The following CDH4 variants were observed in gnomAD, a reference collection of about 807,000 sequenced individuals.
CDH4 encodes cadherin-4.
CDH4 carries 33 observed loss-of-function variants against 86.0 expected under a neutral mutation model. That is an observed-to-expected ratio of 0.38 (90% confidence interval 0.29 to 0.51). CDH4 has a LOEUF of 0.51. Ranked by LOEUF, CDH4 falls within the 20% of genes least tolerant of loss-of-function variation. The probability of loss-of-function intolerance (pLI) is 0.86; values close to 1 mark genes in which losing one functional copy is unlikely to be tolerated. For missense variants in CDH4, 1,114 were observed against 1,307.4 expected, an observed-to-expected ratio of 0.85 and a Z score of 2.28; for synonymous variants, 555 against 549.4, an observed-to-expected ratio of 1.01 and a Z score of -0.14.
chr20:61,772,868 T>C, intron 3 of CDH4, 135 bp from the exon 4 acceptor site: 1 of 627,660 alleles, frequency 1.6e-6, no homozygotes, highest in Non-Finnish European at 2.5e-6. Flanking sequence ...CCCTTCCCGC[T>C]TAGCTCCTTG....
Position 61,263,123 on chromosome 20 carries a change from T to C in CDH4, c.169+8186T>C, listed in dbSNP as rs534076111. On this transcript the variant is annotated intron_variant, in intron 2 of 15. Transcript: ENST00000614565. ...TTCTTTCCGTCAAGGGCGGTAAAGT[T>C]CTCCCCGGTGTGTTCTTGTAAAACC... Among the ~76,000 whole-genome samples the C allele has an allele frequency of 3.3e-4, 51 of 152,286 alleles. 1 individual carries two copies. Among genetic ancestry groups the C allele is most frequent in the African/African-American group, 1.2e-3 (50 of 41,570 alleles).
In CDH4 at chr20:61,839,304, ATTGTG is replaced by A. The variant is rs147518058; in HGVS notation, c.577-5361_577-5357del. On this transcript the variant is annotated intron_variant, in intron 4 of 15. Coordinates refer to ENST00000614565, the MANE Select transcript of CDH4 (RefSeq NM_001794.5). Reference sequence around the variant, plus strand: ...TGTGCATGGGGGAGTGTGTGTGTGTATTGTGTTCTGTGTGTGTGTGTTCGTGCGTA... The same window carrying A: ...TGTGCATGGGGGAGTGTGTGTGTGTATTCTGTGTGTGTGTGTTCGTGCGTA... 7.1e-3 allele frequency among the ~76,000 whole-genome samples: 1,075 copies of A among 151,524 alleles called. 29 individuals are homozygous for A. In the East Asian group the frequency reaches 0.098, roughly 14 times the overall value.
chr20:61,449,458 A>T (rs991569854), intron 2 of CDH4, among the ~76,000 whole-genome samples: 12 of 152,216 alleles, frequency 7.9e-5, no homozygotes, highest in African/African-American at 2.9e-4. Flanking sequence ...CCTGCCTTCT[A>T]GTCTCTCTCC....
intron 2 of CDH4, among the ~76,000 whole-genome samples, chr20:61,535,509 C>T (rs1317025124): frequency 6.6e-6 from 1 of 152,236 alleles, no homozygotes; most frequent in East Asian, 1.9e-4. Context: ...TGTAGTTTTC[C>T]CAGAAAGCCT....
intron 3 of CDH4, among the ~76,000 whole-genome samples, chr20:61,751,020 T>C (rs1215103550): frequency 6.6e-6 from 1 of 152,240 alleles, no homozygotes; most frequent in Non-Finnish European, 1.5e-5. Context: ...TGTTAGAATA[T>C]TGATTCTACC....
chr20:61,573,878 G>T (rs1219526843), intron 2 of CDH4, among the ~76,000 whole-genome samples: 1 of 152,158 alleles, frequency 6.6e-6, no homozygotes, highest in Admixed American at 6.5e-5. Flanking sequence ...ATAACATCTT[G>T]AGCCCTGCCA....
intron 2 of CDH4, among the ~76,000 whole-genome samples, chr20:61,579,904 G>A (rs2086412724): frequency 6.6e-6 from 1 of 151,484 alleles, no homozygotes; most frequent in African/African-American, 2.4e-5. Flanking sequence ...GCCTTTTTTT[G>A]TAAAATAAGA....
At chr20:61,636,781 A>G (rs1600827877) in intron 2 of CDH4, among the ~76,000 whole-genome samples, 1 of 152,172 alleles carries the variant, frequency 6.6e-6, no homozygotes, top group Non-Finnish European at 1.5e-5. Flanking sequence ...AGGTGCCTGA[A>G]CCCCAGAGGG....
At position 61,709,132 on chromosome 20, in the gene CDH4, C is replaced by T. The variant is rs1435770619; in HGVS notation, c.170-34431C>T. Among the ~76,000 whole-genome samples the T allele has an allele frequency of 6.6e-6, 1 of 152,132 alleles. No homozygotes were observed. The highest frequency in any genetic ancestry group is 2.4e-5 in the African/African-American group (1 of 41,424). On this transcript the variant is annotated intron_variant, in intron 2 of 15. Coordinates refer to ENST00000614565, the MANE Select transcript of CDH4 (RefSeq NM_001794.5). The surrounding 1 kb of genome is among the most constrained non-coding windows in gnomAD (Gnocchi z 4.8). ...CGGGTCCCAGTGGCGTAGCGGCCGC[C>T]CAAATGATGAGCCCACAACGCACCT...
In CDH4 at chr20:61,398,471, G is replaced by A. The variant is rs553204617; in HGVS notation, c.169+143534G>A. 3.9e-5 allele frequency among the ~76,000 whole-genome samples: 6 copies of A among 152,348 alleles called. 1 individual carries two copies. In the South Asian group the frequency reaches 1.2e-3, roughly 32 times the overall value. ...TTAAGGACTAGGCCCCAAGGGCATG[G>A]GGTCTGGCAAGTCTGAAATCTGCAG... On this transcript the variant is annotated intron_variant, in intron 2 of 15. Transcript: ENST00000614565.
chr20:61,871,221 C>A (rs1485764688), intron 6 of CDH4, among the ~76,000 whole-genome samples: 1 of 152,138 alleles, frequency 6.6e-6, no homozygotes, highest in African/African-American at 2.4e-5. Flanking sequence ...TCATTTATCA[C>A]ATTTAGTGTC....
At chr20:61,441,616 T>C (rs1427302354) in intron 2 of CDH4, among the ~76,000 whole-genome samples, 6 of 152,198 alleles carry the variant, frequency 3.9e-5, no homozygotes, top group Non-Finnish European at 8.8e-5. Flanking sequence ...AGGAATGGGA[T>C]TAGAGCCTTT....
At chr20:61,729,972 G>A (rs1197622475) in intron 2 of CDH4, among the ~76,000 whole-genome samples, 2 of 152,196 alleles carry the variant, frequency 1.3e-5, no homozygotes, top group Non-Finnish European at 2.9e-5. Flanking sequence ...CTGATAGATA[G>A]TGAATATCCA....
intron 5 of CDH4, among the ~76,000 whole-genome samples, chr20:61,845,296 C>T (rs1256485340): frequency 3.9e-5 from 6 of 152,272 alleles, no homozygotes; most frequent in Admixed American, 3.9e-4. Context: ...CTTTTCATTT[C>T]CTCCGACGTC....
chr20:61,565,314 T>TA lies in CDH4; in HGVS notation c.170-178249_170-178248insA, dbSNP rs1447093493. ...ATGGTGGTGGCGGTGCTCTTGGTGG[T>TA]GGCGGTGCTCTTGGTGATGGTGGTA... On this transcript the variant is annotated intron_variant, in intron 2 of 15. Coordinates refer to ENST00000614565, the MANE Select transcript of CDH4 (RefSeq NM_001794.5). Among the ~76,000 whole-genome samples the TA allele has an allele frequency of 1.3e-4, 15 of 114,710 alleles. 1 individual carries two copies. The South Asian group carries it at 1.8e-3, about 14-fold the overall frequency. The allele number at this position is 114,710 out of a possible 152,430, so 75.3% of individuals were successfully genotyped here.
chr20:61,538,671 C>T (rs2086016458), intron 2 of CDH4, among the ~76,000 whole-genome samples: 1 of 152,242 alleles, frequency 6.6e-6, no homozygotes, highest in African/African-American at 2.4e-5. Context: ...GCTCCCAGTC[C>T]TCCCTGTCCC....
chr20:61,271,949 G>T (rs1402344177), intron 2 of CDH4, among the ~76,000 whole-genome samples: 1 of 152,230 alleles, frequency 6.6e-6, no homozygotes, highest in Non-Finnish European at 1.5e-5. Context: ...GGGGCAGGGT[G>T]GGCAGGGAGC....
In CDH4 at chr20:61,516,050, G is replaced by A. The variant is rs1370692601; in HGVS notation, c.170-227513G>A. On this transcript the variant is annotated intron_variant, in intron 2 of 15. Transcript: ENST00000614565. This position sits in a 1 kb window ranked among gnomAD's most constrained non-coding sequence, Gnocchi z 4.0. ...GGGCTCTGGAACGCCCCCCCAATAC[G>A]ATTCCACCGCAGGCAGGCAGCTCCC... 1.3e-5 allele frequency among the ~76,000 whole-genome samples: 2 copies of A among 152,212 alleles called. No homozygotes were observed. The highest frequency in any genetic ancestry group is 2.1e-4 in the South Asian group (1 of 4,816).
intron 2 of CDH4, among the ~76,000 whole-genome samples, chr20:61,498,581 G>T (rs2085678636): frequency 6.6e-6 from 1 of 152,096 alleles, no homozygotes; most frequent in African/African-American, 2.4e-5. Flanking sequence ...GTTACAATCT[G>T]CAGGTGAACC....
Sources: allele counts gnomAD v4.1 joint callset (sites outside exome capture counted in the v4.1 genomes callset), GRCh38; gene constraint gnomAD v4.1.1; non-coding constraint Gnocchi (gnomAD v3.1); transcripts MANE v1.5; gene names NCBI Gene and HGNC (gene_info 2026-07-23, HGNC 2026-07-21).